AK8: variants seen among roughly 807,000 people sequenced by gnomAD.
The protein encoded by AK8 is ATP-AMP transphosphorylase 8.
A neutral mutation model predicts 54.6 loss-of-function variants in AK8; 44 were observed. That is an observed-to-expected ratio of 0.81 (90% CI 0.63 to 1.04). The LOEUF (loss-of-function observed/expected upper bound fraction) is 1.04, where lower values mean the gene tolerates loss of function less well. Ranked by LOEUF, AK8 falls within the 50% of genes least tolerant of loss-of-function variation. AK8 has a pLI of 0.00. For missense variants in AK8, 555 were observed against 613.6 expected (o/e 0.90, Z 1.01); for synonymous variants, 239 against 245.6 (o/e 0.97, Z 0.25).
At chr9:132,871,989 G>T (rs1031786147) in intron 2 of AK8, among the ~76,000 whole-genome samples, 1 of 152,216 alleles carries the variant, frequency 6.6e-6, no homozygotes, top group African/African-American at 2.4e-5. Flanking sequence ...TGAAATTCAA[G>T]GTTCTTGAGC....
intron 10 of AK8, among the ~76,000 whole-genome samples, chr9:132,804,463 C>T (rs572680264): frequency 6.6e-6 from 1 of 152,090 alleles, no homozygotes; most frequent in Non-Finnish European, 1.5e-5. Context: ...CAATCAAGAT[C>T]GTGGATGGGG....
At chr9:132,868,569 C>T (rs1214067123) in intron 2 of AK8, among the ~76,000 whole-genome samples, 1 of 152,170 alleles carries the variant, frequency 6.6e-6, no homozygotes, top group African/African-American at 2.4e-5. Flanking sequence ...GGCCCGTGAT[C>T]AAGTGATGGG....
chr9:132,788,375 C>T (rs1839804380), intron 11 of AK8, among the ~76,000 whole-genome samples: 1 of 152,112 alleles, frequency 6.6e-6, no homozygotes, highest in Non-Finnish European at 1.5e-5. Flanking sequence ...TATTTTCAGA[C>T]ACCAAAGTAC....
intron 11 of AK8, among the ~76,000 whole-genome samples, chr9:132,730,246 G>A (rs774893106): frequency 6.6e-6 from 1 of 152,118 alleles, no homozygotes; most frequent in Non-Finnish European, 1.5e-5. Flanking sequence ...CCAAGAGGCC[G>A]CGCTTTGGTA....
intron 11 of AK8, among the ~76,000 whole-genome samples, chr9:132,774,397 A>G (rs573550226): frequency 6.6e-6 from 1 of 152,276 alleles, no homozygotes; most frequent in Admixed American, 6.5e-5. Flanking sequence ...GTTTTTTTAT[A>G]TATTAAATAA....
At position 132,815,186 on chromosome 9, in the gene AK8, G is replaced by A. The variant is rs887702791; in HGVS notation, c.890-459C>T. The stretch of plus-strand genomic sequence containing the variant: ...CACAGCAGAGGGGGTGCAGTGTGTT[G>A]CTTCCACAGCCCTTCCAGCTGGCAG... On this transcript the variant is annotated intron_variant, in intron 9 of 12. Coordinates refer to ENST00000298545, the MANE Select transcript of AK8 (RefSeq NM_152572.3). Among the ~76,000 whole-genome samples, 79 of 152,230 alleles carry A rather than the reference G, an allele frequency of 5.2e-4. 1 individual carries two copies. Among genetic ancestry groups the A allele is most frequent in the Non-Finnish European group, 1.3e-4 (9 of 68,048 alleles).
At chr9:132,821,830 T>TATATGTGTATGTATATACAAATATATAC (rs1841658314) in intron 9 of AK8, among the ~76,000 whole-genome samples, 1 of 104,326 alleles carries the variant, frequency 9.6e-6, no homozygotes, top group Non-Finnish European at 1.9e-5. Context: ...AATATATACA[T>TATATGTGTATGTATATACAAATATATAC]ATATGTGTAT....
At chr9:132,815,033 G>A (rs1392151231) in intron 9 of AK8, among the ~76,000 whole-genome samples, 5 of 152,224 alleles carry the variant, frequency 3.3e-5, no homozygotes, top group Non-Finnish European at 4.4e-5. Context: ...GCAGGGCCTC[G>A]CTGCACCTGG....
chr9:132,866,488 C>T (rs1843603183), intron 3 of AK8, among the ~76,000 whole-genome samples: 1 of 152,164 alleles, frequency 6.6e-6, no homozygotes, highest in South Asian at 2.1e-4. Context: ...TTTTCTGATT[C>T]TTTTAAGTAT....
chr9:132,794,771 G>T (rs2131176031), intron 10 of AK8, among the ~76,000 whole-genome samples: 1 of 152,326 alleles, frequency 6.6e-6, no homozygotes, highest in Middle Eastern at 3.4e-3. Context: ...GGGAAGCCAG[G>T]TTGTAGACAG....
At chr9:132,788,796 C>G (rs757537624) in intron 11 of AK8, among the ~76,000 whole-genome samples, 2 of 152,154 alleles carry the variant, frequency 1.3e-5, no homozygotes, top group African/African-American at 4.8e-5. Flanking sequence ...TAAAAACTCT[C>G]TCAGATATGG....
intron 4 of AK8, among the ~76,000 whole-genome samples, chr9:132,855,558 A>G (rs917112255): frequency 2.0e-5 from 3 of 152,174 alleles, no homozygotes; most frequent in Non-Finnish European, 4.4e-5. Flanking sequence ...GAAATGATAA[A>G]GGCTACAATA....
intron 11 of AK8, among the ~76,000 whole-genome samples, chr9:132,742,613 T>A (rs1404165306): frequency 6.6e-6 from 1 of 152,324 alleles, no homozygotes; most frequent in East Asian, 1.9e-4. Flanking sequence ...CAGGTCTGCG[T>A]CATGATCCAT....
Position 132,792,643 on chromosome 9 carries a change from T to C in AK8, c.1112A>G (p.Asn371Ser), listed in dbSNP as rs745514646. 3 of 1,553,158 alleles carry C rather than the reference T, an allele frequency of 1.9e-6. No individual in the cohort carries two copies. The highest frequency in any genetic ancestry group is 1.4e-5 in the African/African-American group (1 of 73,388). ...QAHLLNRLGY[N>S]PNRVFFLNVP... The stretch of plus-strand genomic sequence containing the variant: ...GGCTGGGGCAGCTCACCTGTTGGGA[T>C]TGTAGCCCAGGCGGTTCAGCAGGTG... Residue 371 changes from asparagine (N) to serine (S), a missense_variant, in exon 11 of 13, where the codon AAT becomes AGT. By Grantham distance (46) the Asn-to-Ser change is conservative. Transcript: ENST00000298545.
intron 11 of AK8, among the ~76,000 whole-genome samples, chr9:132,755,968 T>C (rs533808603): frequency 6.6e-6 from 1 of 152,272 alleles, no homozygotes; most frequent in South Asian, 2.1e-4. Context: ...GGTTTCACCA[T>C]GTTGGCCAGG....
intron 11 of AK8, among the ~76,000 whole-genome samples, chr9:132,789,854 C>A: frequency 6.6e-6 from 1 of 152,048 alleles, no homozygotes; most frequent in East Asian, 1.9e-4. Context: ...TCCTCTTCTG[C>A]CCTCAGTCAG....
intron 11 of AK8, among the ~76,000 whole-genome samples, chr9:132,760,156 G>A (rs1280708236): frequency 6.6e-6 from 1 of 151,652 alleles, no homozygotes; most frequent in Non-Finnish European, 1.5e-5. Flanking sequence ...GTTTATTTCA[G>A]TGTACACTTT....
At chr9:132,829,859 C>T (rs905738622) in intron 5 of AK8, among the ~76,000 whole-genome samples, 1 of 152,200 alleles carries the variant, frequency 6.6e-6, no homozygotes, top group African/African-American at 2.4e-5. Context: ...CTGGCCTTTA[C>T]TAACTCTTTA....
In AK8 at chr9:132,837,707, A is replaced by C. The variant is rs1842383006; in HGVS notation, c.403-8981T>G. Among the ~76,000 whole-genome samples the C allele has an allele frequency of 6.6e-6, 1 of 152,160 alleles. No individual in the cohort carries two copies. Among genetic ancestry groups the C allele is most frequent in the African/African-American group, 2.4e-5 (1 of 41,434 alleles). Reference sequence around the variant, plus strand: ...GGCTCTGTATGCAGACACATGATCCACACGTGCCCTTAAGAAGCCCATATC... The same window carrying C: ...GGCTCTGTATGCAGACACATGATCCCCACGTGCCCTTAAGAAGCCCATATC... On this transcript the variant is annotated intron_variant, in intron 5 of 12. Transcript: ENST00000298545. The surrounding 1 kb of genome is among the most constrained non-coding windows in gnomAD (Gnocchi z 4.3).
Sources: gnomAD v4.1 joint callset for allele counts (sites outside exome capture counted in the v4.1 genomes callset) on GRCh38, gnomAD v4.1.1 for gene constraint, Gnocchi (gnomAD v3.1) non-coding constraint, MANE v1.5 for transcripts, NCBI Gene and HGNC (gene_info 2026-07-23, HGNC 2026-07-21) for gene names.